Variants in INPP4B observed in about 807,000 individuals in gnomAD.
INPP4B encodes the protein inositol polyphosphate 4-phosphatase type II.
In INPP4B, 55 loss-of-function variants were observed where a neutral mutation model predicts 122.5. The observed-to-expected ratio is 0.45, with a 90% CI of 0.36 to 0.56. INPP4B has a LOEUF of 0.56. Among genes scored for constraint, INPP4B ranks in the 20% least tolerant of loss-of-function variants. INPP4B has a pLI of 0.00. For synonymous variants in INPP4B, 403 were observed against 388.7 expected (o/e 1.04, Z -0.43); for missense variants, 1,000 against 1,097.7 (o/e 0.91, Z 1.26).
chr4:142,290,285 C>A (rs537902266), intron 9 of INPP4B, among the ~76,000 whole-genome samples: 12 of 130,574 alleles, frequency 9.2e-5, no homozygotes, highest in Non-Finnish European at 1.2e-4. Context: ...CAGCTCTGTG[C>A]AACTTCTGCT....
chr4:142,165,838 C>T (rs1822440915), intron 16 of INPP4B, among the ~76,000 whole-genome samples: 2 of 151,646 alleles, frequency 1.3e-5, no homozygotes, highest in South Asian at 4.1e-4. Context: ...GTGTACATAA[C>T]AGTGATGCAT....
Position 142,353,083 on chromosome 4 carries a change from T to G in INPP4B, c.373-38321A>C, listed in dbSNP as rs114542283. ...GTAAAAGGTAAAAAGCATTAAAAGG[T>G]AAAAAGCCACTAAATGCGTACTTTT... On this transcript the variant is annotated intron_variant, in intron 7 of 25. Coordinates refer to ENST00000262992, the MANE Select transcript of INPP4B (RefSeq NM_001101669.3). Among the ~76,000 whole-genome samples the G allele has an allele frequency of 9.8e-3, 1,494 of 151,932 alleles. 30 individuals carry two copies. The highest frequency in any genetic ancestry group is 0.034 in the African/African-American group (1,419 of 41,462).
chr4:142,395,778 T>C (rs1229456043), intron 7 of INPP4B, among the ~76,000 whole-genome samples: 2 of 152,140 alleles, frequency 1.3e-5, no homozygotes, highest in African/African-American at 2.4e-5. Context: ...GATATTATGC[T>C]GAGTGAAATG....
chr4:142,642,966 C>A (rs1000945331), intron 2 of INPP4B, among the ~76,000 whole-genome samples: 2 of 152,214 alleles, frequency 1.3e-5, no homozygotes, highest in Admixed American at 1.3e-4. Context: ...TGTAGTTCTC[C>A]TTGAAGAGGT....
chr4:142,344,044 A>C (rs548915342), intron 7 of INPP4B, among the ~76,000 whole-genome samples: 1 of 152,200 alleles, frequency 6.6e-6, no homozygotes, highest in Non-Finnish European at 1.5e-5. Context: ...TGCATTCAAG[A>C]TGTCACCATT....
At chr4:142,044,632 C>T (rs1196020120) in intron 25 of INPP4B, among the ~76,000 whole-genome samples, 2 of 151,966 alleles carry the variant, frequency 1.3e-5, no homozygotes, top group African/African-American at 4.8e-5. Flanking sequence ...ACACACAGAA[C>T]CTCACCCAGC....
At chr4:142,238,115 T>C (rs995241857) in intron 11 of INPP4B, 104 bp from the exon 12 acceptor site, 71 of 535,138 alleles carry the variant, frequency 1.3e-4, no homozygotes, top group Non-Finnish European at 1.0e-4. Context: ...TTATTATTCA[T>C]TTGATCCAAA....
intron 2 of INPP4B, among the ~76,000 whole-genome samples, chr4:142,496,585 C>T (rs2149802158): frequency 6.6e-6 from 1 of 152,204 alleles, no homozygotes; most frequent in South Asian, 2.1e-4. Context: ...TGTATTTTCT[C>T]TCAGACCTCT....
chr4:142,386,906 A>G (rs1796142473), intron 7 of INPP4B, among the ~76,000 whole-genome samples: 1 of 152,156 alleles, frequency 6.6e-6, no homozygotes, highest in Non-Finnish European at 1.5e-5. Flanking sequence ...CAAGCAAGAT[A>G]CCTTCTGGAC....
rs373002469 is a variant in INPP4B at position 142,820,700 on chromosome 4, G to C, written c.-254+25509C>G. On this transcript the variant is annotated intron_variant, in intron 1 of 25. Coordinates refer to ENST00000262992, the MANE Select transcript of INPP4B (RefSeq NM_001101669.3). ...GAACTTTCCATATTTCAGTTGGCCA[G>C]TTCATTGCCCATCCAAGCTGTGACG... 2.6e-5 allele frequency among the ~76,000 whole-genome samples: 4 copies of C among 152,030 alleles called. No individual in the cohort carries two copies. In the East Asian group the frequency reaches 7.7e-4, roughly 29 times the overall value.
At chr4:142,570,870 T>C (rs1478574975) in intron 2 of INPP4B, among the ~76,000 whole-genome samples, 3 of 151,830 alleles carry the variant, frequency 2.0e-5, no homozygotes, top group Admixed American at 2.0e-4. Context: ...CTTTCACCCC[T>C]AAGACATATT....
chr4:142,411,877 G>A (rs1333612248), intron 5 of INPP4B, among the ~76,000 whole-genome samples: 1 of 152,144 alleles, frequency 6.6e-6, no homozygotes, highest in Non-Finnish European at 1.5e-5. Flanking sequence ...GGGTGACAGA[G>A]TGAGACTCTG....
chr4:142,407,850 G>A (rs1216076296), intron 5 of INPP4B, among the ~76,000 whole-genome samples: 2 of 152,064 alleles, frequency 1.3e-5, no homozygotes, highest in Non-Finnish European at 2.9e-5. Flanking sequence ...CTCTCAGGGT[G>A]GAAGTGAGGA....
chr4:142,122,341 A>G, intron 20 of INPP4B, 96 bp from the exon 21 acceptor site: 3 of 895,986 alleles, frequency 3.3e-6, no homozygotes, highest in South Asian at 1.4e-5. Flanking sequence ...CTAGCATTTT[A>G]TTGAATGAGT....
chr4:142,834,174 AT>A (rs1581022091), intron 1 of INPP4B, among the ~76,000 whole-genome samples: 1 of 152,150 alleles, frequency 6.6e-6, no homozygotes, highest in African/African-American at 2.4e-5. Context: ...ATCTCAAATC[AT>A]TTTTGGAAGT....
chr4:142,107,149 G>C (rs1787564004), intron 23 of INPP4B, among the ~76,000 whole-genome samples: 1 of 151,968 alleles, frequency 6.6e-6, no homozygotes, highest in Non-Finnish European at 1.5e-5. Context: ...TATAAAATCT[G>C]CAAGTGACAT....
At chr4:142,399,898 T>C (rs112928690) in intron 7 of INPP4B, among the ~76,000 whole-genome samples, 2 of 152,218 alleles carry the variant, frequency 1.3e-5, no homozygotes, top group African/African-American at 4.8e-5. Context: ...TGCCAACTTA[T>C]GGCAGTGAAT....
intron 1 of INPP4B, among the ~76,000 whole-genome samples, chr4:142,784,734 T>C (rs1561066270): frequency 2.6e-5 from 4 of 152,056 alleles, no homozygotes; most frequent in Admixed American, 2.0e-4. Flanking sequence ...ATGTTTTTTT[T>C]TGGTTTGTTT....
intron 21 of INPP4B, among the ~76,000 whole-genome samples, chr4:142,115,490 T>G (rs536765562): frequency 2.4e-3 from 372 of 152,208 alleles, no homozygotes; most frequent in Middle Eastern, 0.01. Flanking sequence ...AGCCAGAAGA[T>G]AGTGGGGGCC....
Sources: gnomAD v4.1 joint callset for allele counts (sites outside exome capture counted in the v4.1 genomes callset) on GRCh38, gnomAD v4.1.1 for gene constraint, MANE v1.5 for transcripts, NCBI Gene and HGNC (gene_info 2026-07-23, HGNC 2026-07-21) for gene names.